Variants in RTBDN observed in about 807,000 individuals in gnomAD.
RTBDN encodes retbindin.
A neutral mutation model predicts 21.9 loss-of-function variants in RTBDN; 24 were observed. The observed-to-expected ratio is 1.10, with a 90% CI of 0.79 to 1.54. The LOEUF is 1.54. RTBDN is among the 40% of genes most tolerant of loss of function. The probability of loss-of-function intolerance (pLI) is 0.00; values close to 1 mark genes in which losing one functional copy is unlikely to be tolerated. For synonymous variants in RTBDN, 141 were observed against 125.9 expected (o/e 1.12, Z -0.80); for missense variants, 325 against 315.2 (o/e 1.03, Z -0.23).
intron 1 of RTBDN, among the ~76,000 whole-genome samples, chr19:12,831,785 G>C (rs1969583011): frequency 6.6e-6 from 1 of 152,200 alleles, no homozygotes; most frequent in Non-Finnish European, 1.5e-5. Context: ...TCTAGGGGGA[G>C]AATCAGATGA....
intron 1 of RTBDN, among the ~76,000 whole-genome samples, chr19:12,831,668 T>C (rs939961599): frequency 6.6e-6 from 1 of 152,178 alleles, no homozygotes. Context: ...ATTGTTCCAC[T>C]GCACTCCAGC....
At chr19:12,828,268 C>A (rs533624595) in intron 4 of RTBDN, among the ~76,000 whole-genome samples, 2 of 151,424 alleles carry the variant, frequency 1.3e-5, no homozygotes, top group Non-Finnish European at 2.9e-5. Flanking sequence ...TGGTGGTGTG[C>A]GCCTGTAACC....
chr19:12,826,903 C>G (rs1245270590), intron 4 of RTBDN, 32 bp from the exon 5 acceptor site: 1 of 1,444,396 alleles, frequency 6.9e-7, no homozygotes, highest in Non-Finnish European at 9.5e-7. Context: ...GTGGGTAAAG[C>G]CTTTGTAGTT....
intron 1 of RTBDN, chr19:12,832,989 A>C (rs1383481110): frequency 6.6e-6 from 1 of 152,260 alleles, no homozygotes; most frequent in Non-Finnish European, 1.5e-5. Context: ...CTGTGTGAAC[A>C]TGGAGGAGCG....
At chr19:12,834,958 T>A, upstream of RTBDN, 4 of 1,546,162 alleles carry the variant, frequency 2.6e-6, no homozygotes, top group Non-Finnish European at 3.6e-6. This position sits in a 1 kb window ranked among gnomAD's most constrained non-coding sequence, Gnocchi z 4.7. Flanking sequence ...GTCTGGCCCT[T>A]CTGAGCCTCC....
At chr19:12,834,902 C>T (rs1208581720), upstream of RTBDN, 1 of 1,595,088 alleles carries the variant, frequency 6.3e-7, no homozygotes, top group South Asian at 1.1e-5. This position sits in a 1 kb window ranked among gnomAD's most constrained non-coding sequence, Gnocchi z 4.7. Context: ...CCCAAACATC[C>T]CAGAGGGGAA....
At chr19:12,828,573 A>G in intron 4 of RTBDN, 84 bp downstream of exon 4, 13 of 1,051,592 alleles carry the variant, frequency 1.2e-5, no homozygotes, top group Non-Finnish European at 1.8e-5. Flanking sequence ...ACTCCCCTTT[A>G]CACAGAAGGC....
In RTBDN at chr19:12,825,683, C is replaced by A. The variant is rs1202355170; in HGVS notation, c.*23G>T. On this transcript the variant is annotated 3_prime_UTR_variant, in exon 6 of 6. Coordinates refer to ENST00000674343, the MANE Select transcript of RTBDN (RefSeq NM_001270441.2). ...GCGGGGCTGGGGGAAGGGTCGCTCC[C>A]CCAACTCAGGGCCACGCGTCCGCTA... The A allele has an allele frequency of 6.5e-7, 1 of 1,548,628 alleles. No homozygotes were observed. Among genetic ancestry groups the A allele is most frequent in the East Asian group, 2.4e-5 (1 of 41,060 alleles).
At chr19:12,829,718 A>C in intron 2 of RTBDN, 93 bp downstream of exon 2, 2 of 1,337,720 alleles carry the variant, frequency 1.5e-6, no homozygotes, top group Non-Finnish European at 2.1e-6. Context: ...TGGCCATGCT[A>C]GGCCCCTCTC....
At chr19:12,832,289 C>T (rs1422378244) in intron 1 of RTBDN, among the ~76,000 whole-genome samples, 1 of 152,106 alleles carries the variant, frequency 6.6e-6, no homozygotes, top group South Asian at 2.1e-4. Context: ...CAAAACACTA[C>T]GTTGCACACA....
In RTBDN at chr19:12,831,056, GTA is replaced by G. The variant is rs1555739124; in HGVS notation, c.-18-1061_-18-1060del. 1.1e-3 allele frequency among the ~76,000 whole-genome samples: 149 copies of G among 140,314 alleles called. No individual in the cohort carries two copies. The East Asian group carries it at 0.015, about 14-fold the overall frequency. 92.1% of individuals were successfully genotyped at this position (140,314 alleles called of 152,430 possible). ...TGTGTGTGTGTGTGTGTGTGTGTGT[GTA>G]TACGTTCAGAATCTGGGGGAGGATT... is the stretch of plus-strand genomic sequence containing the variant. On this transcript the variant is annotated intron_variant, in intron 1 of 5. Transcript: ENST00000674343.
At position 12,834,340 on chromosome 19, in the gene RTBDN, G is replaced by T; in HGVS notation, c.-19+149C>A. 1 of 621,178 alleles carries T rather than the reference G, an allele frequency of 1.6e-6. No homozygotes were observed. Among genetic ancestry groups the T allele is most frequent in the Admixed American group, 2.9e-5 (1 of 34,828 alleles). The allele number at this position is 621,178 out of a possible 1,614,324, so 38.5% of individuals were successfully genotyped here. A position where few individuals can be genotyped will look rare whatever the true frequency, so the allele number is the denominator to read the frequency against. On this transcript the variant is annotated intron_variant, in intron 1 of 5. Transcript: ENST00000674343. The surrounding 1 kb of genome is among the most constrained non-coding windows in gnomAD (Gnocchi z 4.7). ...GCCTCGCCAGGCTAGGGGTGAGGGGGCGCAGAGCAAAGTTATTGCCCTAGG... is the reference window on the plus strand; with the variant it reads ...GCCTCGCCAGGCTAGGGGTGAGGGGTCGCAGAGCAAAGTTATTGCCCTAGG...
In RTBDN at chr19:12,830,098, AGT is replaced by A; in HGVS notation, c.-18-103_-18-102del. 1.4e-6 allele frequency: 2 copies of A among 1,396,258 alleles called. No individual in the cohort carries two copies. The highest frequency in any genetic ancestry group is 1.9e-6 in the Non-Finnish European group (2 of 1,032,250). 86.5% of individuals were successfully genotyped at this position (1,396,258 alleles called of 1,614,324 possible). On this transcript the variant is annotated intron_variant, in intron 1 of 5. Transcript: ENST00000674343. This position sits in a 1 kb window ranked among gnomAD's most constrained non-coding sequence, Gnocchi z 4.2. ...AAGCAGTGCCAGGCAGAGTAGGGAA[AGT>A]GCAGCTGAGGAGGAGGCTGGGGCAG...
chr19:12,834,941 G>T, upstream of RTBDN: 3 of 1,540,052 alleles, frequency 1.9e-6, no homozygotes, highest in African/African-American at 1.4e-5. This position sits in a 1 kb window ranked among gnomAD's most constrained non-coding sequence, Gnocchi z 4.7. Context: ...CCAAGGCCCT[G>T]CCTGGGGTCT....
intron 5 of RTBDN, chr19:12,826,419 G>A (rs1187646103): frequency 3.2e-6 from 4 of 1,262,088 alleles, no homozygotes; most frequent in Non-Finnish European, 4.1e-6. Flanking sequence ...GGGGGCCGGG[G>A]GCGGTGGCTC....
chr19:12,829,713 A>G, intron 2 of RTBDN, 98 bp downstream of exon 2: 1 of 1,304,594 alleles, frequency 7.7e-7, no homozygotes, highest in Non-Finnish European at 1.1e-6. Flanking sequence ...CTTGGTGGCC[A>G]TGCTAGGCCC....
In RTBDN at chr19:12,826,803, C is replaced by T; in HGVS notation, c.434G>A (p.Cys145Tyr). The T allele has an allele frequency of 6.4e-7, 1 of 1,554,936 alleles. No individual in the cohort carries two copies. The highest frequency in any genetic ancestry group is 2.4e-5 in the East Asian group (1 of 41,162). Reference protein sequence around the residue: ...TWLPLSEKRGCEPSCLTYGQT... With the variant: ...TWLPLSEKRGYEPSCLTYGQT... The stretch of plus-strand genomic sequence containing the variant: ...TCCATAGGTAAGGCAGCTGGGCTCA[C>T]AGCCCCTTTTTTCTGAGAGTGGGAG... Residue 145 changes from cysteine to tyrosine, a missense_variant, in exon 5 of 6, where the codon TGT becomes TAT. Coordinates refer to ENST00000674343, the MANE Select transcript of RTBDN (RefSeq NM_001270441.2).
At chr19:12,829,536 C>T (rs1478739722) in intron 2 of RTBDN, among the ~76,000 whole-genome samples, 2 of 152,170 alleles carry the variant, frequency 1.3e-5, no homozygotes, top group Non-Finnish European at 2.9e-5. Context: ...AACAACAGCT[C>T]TGCGAGGTAT....
At chr19:12,826,946 G>C in intron 4 of RTBDN, 75 bp from the exon 5 acceptor site, 2 of 1,049,630 alleles carry the variant, frequency 1.9e-6, no homozygotes, top group Admixed American at 4.0e-5. Flanking sequence ...CTTCTAGACT[G>C]TGTTCACTAT....
Sources: gnomAD v4.1 joint callset for allele counts (sites outside exome capture counted in the v4.1 genomes callset) on GRCh38, gnomAD v4.1.1 for gene constraint, Gnocchi (gnomAD v3.1) non-coding constraint, MANE v1.5 for transcripts, NCBI Gene and HGNC (gene_info 2026-07-23, HGNC 2026-07-21) for gene names.